The following STK3 variants were observed in gnomAD, a reference collection of about 807,000 sequenced individuals.
STK3 encodes serine/threonine kinase 3.
STK3 carries 41 observed loss-of-function variants against 58.0 expected under a neutral mutation model. The observed-to-expected ratio is 0.71, with a 90% CI of 0.55 to 0.92. The LOEUF (loss-of-function observed/expected upper bound fraction) is 0.92, where lower values mean the gene tolerates loss of function less well. STK3 is among the 40% of genes least tolerant of loss of function. The pLI is 0.00. For synonymous variants in STK3, 170 were observed against 191.0 expected, an observed-to-expected ratio of 0.89 and a Z score of 0.91; for missense variants, 479 against 602.7, an observed-to-expected ratio of 0.79 and a Z score of 2.15.
At chr8:98,387,730 A>C (rs1307273409) in intron 1 of STK3, among the ~76,000 whole-genome samples, 1 of 152,206 alleles carries the variant, frequency 6.6e-6, no homozygotes, top group African/African-American at 2.4e-5. Flanking sequence ...AACAAGAGCG[A>C]AACTCCATGT....
At chr8:98,371,180 C>A (rs6468634), downstream of STK3, among the ~76,000 whole-genome samples, 37,486 of 152,146 alleles carry the variant, frequency 0.25, 4,763 homozygotes, top group Middle Eastern at 0.39. Flanking sequence ...AGGGCCCAGC[C>A]TAAAGCCACT....
chr8:98,715,627 A>T (rs1437779001), intron 4 of STK3, among the ~76,000 whole-genome samples: 1 of 152,190 alleles, frequency 6.6e-6, no homozygotes, highest in East Asian at 1.9e-4. Flanking sequence ...AAAAGTCAGG[A>T]AACAACAAGC....
At chr8:98,427,927 T>G in intron 3 of STK3, 1 of 1,418,656 alleles carries the variant, frequency 7.0e-7, no homozygotes, top group Non-Finnish European at 9.4e-7. Context: ...CGCTGTTCCC[T>G]CCGCTTCCAG....
At chr8:98,937,686 C>T (rs1840245605) in intron 1 of STK3, among the ~76,000 whole-genome samples, 1 of 152,176 alleles carries the variant, frequency 6.6e-6, no homozygotes, top group African/African-American at 2.4e-5. Flanking sequence ...TTGTATGTGC[C>T]TTATTAGTCG....
intron 1 of STK3, among the ~76,000 whole-genome samples, chr8:98,886,990 T>A (rs759180612): frequency 3.3e-5 from 5 of 151,902 alleles, no homozygotes; most frequent in Non-Finnish European, 5.9e-5. Flanking sequence ...CCCAGCTACT[T>A]GGGAGCCTGA....
At chr8:98,893,486 G>GAAGGAAAGAGAA (rs776247646) in intron 1 of STK3, among the ~76,000 whole-genome samples, 20 of 43,038 alleles carry the variant, frequency 4.6e-4, no homozygotes, top group South Asian at 1.8e-3. Flanking sequence ...AAGAAAGAAA[G>GAAGGAAAGAGAA]AGAAAGAAAG....
intron 6 of STK3, among the ~76,000 whole-genome samples, chr8:98,698,934 T>C (rs1825268863): frequency 6.6e-6 from 1 of 152,204 alleles, no homozygotes; most frequent in South Asian, 2.1e-4. Flanking sequence ...GGGGAAGTTC[T>C]CCTGGATAAT....
chr8:98,855,880 G>T (rs915813182), intron 3 of STK3, among the ~76,000 whole-genome samples: 4 of 151,940 alleles, frequency 2.6e-5, no homozygotes, highest in Non-Finnish European at 4.4e-5. Context: ...AATTAGGCCG[G>T]GCATGGTGGT....
At chr8:98,421,340 G>C (rs1818171043) in intron 3 of STK3, among the ~76,000 whole-genome samples, 1 of 152,216 alleles carries the variant, frequency 6.6e-6, no homozygotes, top group South Asian at 2.1e-4. Flanking sequence ...CTAGGGTAGA[G>C]GGGAAAGATG....
chr8:98,802,007 A>G (rs1407567257), intron 1 of STK3, among the ~76,000 whole-genome samples: 1 of 152,148 alleles, frequency 6.6e-6, no homozygotes, highest in Non-Finnish European at 1.5e-5. Context: ...TCCTGTCTCT[A>G]CAAAACATTT....
At chr8:98,662,610 G>A (rs552624749) in intron 6 of STK3, among the ~76,000 whole-genome samples, 2 of 151,636 alleles carry the variant, frequency 1.3e-5, no homozygotes, top group South Asian at 4.2e-4. Flanking sequence ...TGTTATGAAG[G>A]CTTTGAAACC....
At chr8:98,775,733 G>A (rs981638419) in intron 1 of STK3, among the ~76,000 whole-genome samples, 1 of 152,172 alleles carries the variant, frequency 6.6e-6, no homozygotes, top group African/African-American at 2.4e-5. Context: ...AATTGTTGAA[G>A]TTCTATGCTG....
chr8:98,708,585 A>G (rs1211459595), intron 4 of STK3, among the ~76,000 whole-genome samples: 1 of 152,156 alleles, frequency 6.6e-6, no homozygotes, highest in Non-Finnish European at 1.5e-5. Flanking sequence ...AAGAAAGAAA[A>G]TCTTCTTAAC....
intron 3 of STK3, among the ~76,000 whole-genome samples, chr8:98,415,428 G>C (rs1818104416): frequency 6.6e-6 from 1 of 152,168 alleles, no homozygotes; most frequent in Admixed American, 6.5e-5. Flanking sequence ...ACATTATAAT[G>C]AGTGGTTTCC....
chr8:98,528,019 C>T (rs758318184), intron 9 of STK3, among the ~76,000 whole-genome samples: 3 of 152,150 alleles, frequency 2.0e-5, no homozygotes, highest in Non-Finnish European at 2.9e-5. Context: ...AATTCAGACT[C>T]CTCCCTTCCC....
intron 10 of STK3, among the ~76,000 whole-genome samples, chr8:98,491,270 A>G (rs992546068): frequency 6.6e-6 from 1 of 151,948 alleles, no homozygotes; most frequent in African/African-American, 2.4e-5. Flanking sequence ...GTAATTTGGT[A>G]GTATTTAAAA....
chr8:98,932,855 C>CT (rs1320602680), intron 1 of STK3, among the ~76,000 whole-genome samples: 1 of 152,206 alleles, frequency 6.6e-6, no homozygotes, highest in African/African-American at 2.4e-5. Context: ...CAAGTCACCA[C>CT]TTTTTCCCAG....
intron 10 of STK3, among the ~76,000 whole-genome samples, chr8:98,473,033 T>G (rs1318773424): frequency 1.3e-5 from 2 of 152,178 alleles, no homozygotes; most frequent in Non-Finnish European, 2.9e-5. Context: ...CAAAAATTTG[T>G]TACTCTTTTA....
chr8:98,938,377 C>G (rs1840271964), intron 1 of STK3, among the ~76,000 whole-genome samples: 1 of 152,224 alleles, frequency 6.6e-6, no homozygotes, highest in Admixed American at 6.5e-5. Context: ...GGGAAGTTGA[C>G]TTGGCATAAG....
Sources: allele counts gnomAD v4.1 joint callset (sites outside exome capture counted in the v4.1 genomes callset), GRCh38; gene constraint gnomAD v4.1.1; transcripts MANE v1.5; gene names NCBI Gene and HGNC (gene_info 2026-07-23, HGNC 2026-07-21).